CSMD2: variants seen among roughly 807,000 people sequenced by gnomAD.
The protein encoded by CSMD2 is CUB and sushi domain-containing protein 2.
A neutral mutation model predicts 398.5 loss-of-function variants in CSMD2; 130 were observed. That is an observed-to-expected ratio of 0.33 (90% CI 0.28 to 0.38). The LOEUF (loss-of-function observed/expected upper bound fraction) is 0.38. CSMD2 is among the 10% of genes least tolerant of loss of function. The pLI is 1.00. For missense variants in CSMD2, 3,829 were observed against 4,764.9 expected (o/e 0.80, Z 5.78); for synonymous variants, 1,828 against 1,908.5 (o/e 0.96, Z 1.10).
chr1:33,835,848 C>A (rs897660883), intron 6 of CSMD2, among the ~76,000 whole-genome samples: 3 of 152,002 alleles, frequency 2.0e-5, no homozygotes, highest in African/African-American at 7.2e-5. Context: ...CATCTGAAGC[C>A]TTCTTCTCTT....
chr1:33,599,028 T>C (rs1640029161), intron 44 of CSMD2: 1 of 152,236 alleles, frequency 6.6e-6, no homozygotes, highest in South Asian at 2.1e-4. Flanking sequence ...TCATGAGGGC[T>C]CTGTTGTCTG....
chr1:33,876,725 T>C (rs905945049), intron 5 of CSMD2, among the ~76,000 whole-genome samples: 2 of 152,006 alleles, frequency 1.3e-5, no homozygotes, highest in Middle Eastern at 6.3e-3. Flanking sequence ...AGCTGTGGGG[T>C]CATTGCTCCT....
At chr1:33,888,951 T>C (rs1230614430) in intron 5 of CSMD2, among the ~76,000 whole-genome samples, 2 of 152,118 alleles carry the variant, frequency 1.3e-5, no homozygotes, top group South Asian at 2.1e-4. Flanking sequence ...TTTGTATTTT[T>C]AGTAGAGACG....
chr1:33,566,311 A>G, intron 53 of CSMD2, among the ~76,000 whole-genome samples: 1 of 152,024 alleles, frequency 6.6e-6, no homozygotes, highest in Middle Eastern at 3.4e-3. Flanking sequence ...AACCTCAAAA[A>G]AAAAAAACAA....
chr1:33,822,829 C>T (rs988875495), intron 7 of CSMD2, among the ~76,000 whole-genome samples: 1 of 152,166 alleles, frequency 6.6e-6, no homozygotes, highest in Non-Finnish European at 1.5e-5. Flanking sequence ...CCCCCTAGAG[C>T]TTCACAGTGA....
At chr1:33,702,223 C>CT (rs1234517814) in intron 22 of CSMD2, among the ~76,000 whole-genome samples, 7 of 152,162 alleles carry the variant, frequency 4.6e-5, no homozygotes, top group Admixed American at 4.6e-4. Context: ...GACAATGAAT[C>CT]TAATGTGTGG....
intron 21 of CSMD2, among the ~76,000 whole-genome samples, chr1:33,712,391 T>A (rs1646022065): frequency 6.6e-6 from 1 of 152,174 alleles, no homozygotes; most frequent in Admixed American, 6.5e-5. Flanking sequence ...GCTGGAAATG[T>A]TCCTGGTAGC....
intron 10 of CSMD2, among the ~76,000 whole-genome samples, chr1:33,802,626 A>G (rs926353498): frequency 6.6e-6 from 1 of 152,108 alleles, no homozygotes; most frequent in Non-Finnish European, 1.5e-5. Context: ...GATGCATCAT[A>G]ATCATTCCAT....
At chr1:33,652,986 T>C (rs969966632) in intron 27 of CSMD2, among the ~76,000 whole-genome samples, 2 of 152,200 alleles carry the variant, frequency 1.3e-5, no homozygotes, top group South Asian at 2.1e-4. Flanking sequence ...CTTGATCTCC[T>C]GACCTTGTGA....
rs187038095 is a variant in CSMD2, at chr1:33,694,106, T to G, written c.3926-1050A>C. 6.6e-5 allele frequency among the ~76,000 whole-genome samples: 10 copies of G among 152,288 alleles called. No homozygotes were observed. In the East Asian group the frequency reaches 1.9e-3, roughly 29 times the overall value. On this transcript the variant is annotated intron_variant, in intron 24 of 70. Transcript: ENST00000373381. Reference sequence around the variant, plus strand: ...ACAACAACAAGGAATCAAGGCTTGCTACATGCTACAATATAGATGAACGCT... The same window carrying G: ...ACAACAACAAGGAATCAAGGCTTGCGACATGCTACAATATAGATGAACGCT...
intron 32 of CSMD2, among the ~76,000 whole-genome samples, chr1:33,632,917 A>G (rs773684245): frequency 3.9e-5 from 6 of 152,220 alleles, no homozygotes; most frequent in African/African-American, 9.6e-5. Context: ...CTAGCCTAGA[A>G]GAAAAAAAAT....
rs7548335 is a variant in CSMD2 at position 34,109,971 on chromosome 1, G to C, written c.188-20778C>G. ...CAGGAGAATCGGGTGAACCCAGGAG[G>C]CGGAGGTTGCAGTGAACCGAGATGG... On this transcript the variant is annotated intron_variant, in intron 1 of 70. Transcript: ENST00000373381. Among the ~76,000 whole-genome samples, 1,404 of 150,118 alleles carry C rather than the reference G, an allele frequency of 9.4e-3. 22 individuals carry two copies. The highest frequency in any genetic ancestry group is 0.033 in the African/African-American group (1,349 of 40,706).
At chr1:34,012,665 C>T (rs2148074123) in intron 3 of CSMD2, among the ~76,000 whole-genome samples, 1 of 152,216 alleles carries the variant, frequency 6.6e-6, no homozygotes, top group South Asian at 2.1e-4. Flanking sequence ...ATTATCTGCT[C>T]CATATACTAG....
intron 13 of CSMD2, among the ~76,000 whole-genome samples, chr1:33,745,872 C>T (rs939582635): frequency 1.4e-4 from 21 of 152,276 alleles, no homozygotes; most frequent in African/African-American, 4.8e-4. Flanking sequence ...CTAAGCACTT[C>T]CATCACTTGC....
chr1:33,592,584 T>A, intron 44 of CSMD2: 2 of 696,258 alleles, frequency 2.9e-6, no homozygotes, highest in Admixed American at 4.1e-5. Flanking sequence ...GTTTTGGATC[T>A]GCAATTCTCA....
In CSMD2 at chr1:33,633,799, G is replaced by A. The variant is rs1026511166; in HGVS notation, c.5087-264C>T. On this transcript the variant is annotated intron_variant, in intron 31 of 70. Coordinates refer to ENST00000373381, the MANE Select transcript of CSMD2 (RefSeq NM_001281956.2). This position sits in a 1 kb window ranked among gnomAD's most constrained non-coding sequence, Gnocchi z 5.0. ...GGAGGGCTGCACCCAAAGGTCAGGC[G>A]GGTAGAGGCGAAATGGAGCCAACTT... is the stretch of plus-strand genomic sequence containing the variant. Among the ~76,000 whole-genome samples, 13 of 152,180 alleles carry A rather than the reference G, an allele frequency of 8.5e-5. No individual in the cohort carries two copies. Among genetic ancestry groups the A allele is most frequent in the African/African-American group, 2.2e-4 (9 of 41,466 alleles).
At position 33,636,992 on chromosome 1, in the gene CSMD2, C is replaced by A. The variant is rs1484815962; in HGVS notation, c.4775-438G>T. Among the ~76,000 whole-genome samples the A allele has an allele frequency of 6.6e-6, 1 of 152,178 alleles. No individual in the cohort carries two copies. The highest frequency in any genetic ancestry group is 1.5e-5 in the Non-Finnish European group (1 of 68,038). Reference sequence around the variant, plus strand: ...CCATCACTTTACTCATCTTTGACCCCCCACACTCAGCAGCCTCCTGGCCTT... The same window carrying A: ...CCATCACTTTACTCATCTTTGACCCACCACACTCAGCAGCCTCCTGGCCTT... On this transcript the variant is annotated intron_variant, in intron 29 of 70. Transcript: ENST00000373381. This position sits in a 1 kb window ranked among gnomAD's most constrained non-coding sequence, Gnocchi z 4.8.
chr1:34,121,283 T>C (rs139162521), intron 1 of CSMD2, among the ~76,000 whole-genome samples: 125 of 152,282 alleles, frequency 8.2e-4, no homozygotes, highest in African/African-American at 2.8e-3. Flanking sequence ...TGTCTTTTCA[T>C]TGGGCTTGTG....
intron 25 of CSMD2, among the ~76,000 whole-genome samples, chr1:33,679,913 A>G (rs1225414753): frequency 7.5e-6 from 1 of 132,750 alleles, no homozygotes; most frequent in Non-Finnish European, 1.6e-5. Flanking sequence ...TTAACCTTGA[A>G]TTTTACTTTT....
Sources: gnomAD v4.1 joint callset for allele counts (sites outside exome capture counted in the v4.1 genomes callset) on GRCh38, gnomAD v4.1.1 for gene constraint, Gnocchi (gnomAD v3.1) non-coding constraint, MANE v1.5 for transcripts, NCBI Gene and HGNC (gene_info 2026-07-23, HGNC 2026-07-21) for gene names.